The following TNS3 variants were observed in gnomAD, a reference collection of about 807,000 sequenced individuals.
TNS3 encodes the protein tensin-3.
TNS3 carries 45 observed loss-of-function variants against 140.9 expected under a neutral mutation model. The ratio of observed to expected loss-of-function variants is 0.32; its 90% CI spans 0.25 to 0.41. The LOEUF (loss-of-function observed/expected upper bound fraction) is 0.41, where lower values mean the gene tolerates loss of function less well. Among genes scored for constraint, TNS3 ranks in the 10% least tolerant of loss-of-function variants. TNS3 has a pLI of 1.00. For synonymous variants in TNS3, 815 were observed against 788.4 expected (o/e 1.03, Z -0.56); for missense variants, 1,716 against 1,906.7 (o/e 0.90, Z 1.86).
intron 17 of TNS3, among the ~76,000 whole-genome samples, chr7:47,365,838 T>A (rs1236705555): frequency 6.6e-6 from 1 of 152,196 alleles, no homozygotes; most frequent in Non-Finnish European, 1.5e-5. Flanking sequence ...GATAATATGA[T>A]GTGGCTTTCG....
rs777003669 is a variant in TNS3, at chr7:47,297,107, A to T, written c.3651T>A (p.Pro1217=). The change falls in exon 24 of 31, where the codon CCT becomes CCA. Residue 1217 remains proline, a synonymous_variant. Coordinates refer to ENST00000311160, the MANE Select transcript of TNS3 (RefSeq NM_022748.12). ...GLAMKVATPP[P]SVLQLNKKAG... The stretch of plus-strand genomic sequence containing the variant: ...CTTTCTTGTTCAGCTGCAGGACTGA[A>T]GGTGGGGGCGTGGCCACCTTCATGG... 6.2e-7 allele frequency: 1 copy of T among 1,614,152 alleles called. No individual in the cohort carries two copies. Among genetic ancestry groups the T allele is most frequent in the African/African-American group, 1.3e-5 (1 of 75,052 alleles).
intron 1 of TNS3, among the ~76,000 whole-genome samples, chr7:47,547,964 G>A (rs527489020): frequency 2.9e-4 from 44 of 152,320 alleles, no homozygotes; most frequent in Admixed American, 1.3e-3. Context: ...GCAGTGGCGC[G>A]ATCTCAGTTC....
rs1784829588 is a variant in TNS3, at chr7:47,275,384, G to A, written c.*2692C>T. The A allele has an allele frequency of 6.4e-6, 1 of 155,144 alleles. No individual in the cohort carries two copies. The highest frequency in any genetic ancestry group is 2.4e-5 in the African/African-American group (1 of 41,492). The allele number at this position is 155,144 out of a possible 1,614,324, so 9.6% of individuals were successfully genotyped here. A position where few individuals can be genotyped will look rare whatever the true frequency, so the allele number is the denominator to read the frequency against. ...ACATGGCTATAGCTTAACACTGGAG[G>A]AATACAACAATACGTTCTTTTACTG... On this transcript the variant is annotated 3_prime_UTR_variant, in exon 31 of 31. Coordinates refer to ENST00000311160, the MANE Select transcript of TNS3 (RefSeq NM_022748.12).
chr7:47,409,948 C>A (rs977494935), intron 13 of TNS3, among the ~76,000 whole-genome samples: 1 of 152,332 alleles, frequency 6.6e-6, no homozygotes, highest in Middle Eastern at 3.4e-3. Context: ...TGAGCCACTG[C>A]GCCCAGCCCG....
intron 2 of TNS3, among the ~76,000 whole-genome samples, chr7:47,511,518 T>C (rs996098897): frequency 6.6e-6 from 1 of 151,730 alleles, no homozygotes; most frequent in African/African-American, 2.4e-5. Context: ...CCATTTCTAA[T>C]AGGGTAAATC....
At chr7:47,313,894 C>G (rs1386914991) in intron 20 of TNS3, among the ~76,000 whole-genome samples, 1 of 152,254 alleles carries the variant, frequency 6.6e-6, no homozygotes, top group Non-Finnish European at 1.5e-5. Flanking sequence ...CTGGGGCACT[C>G]TGGCTGTGTA....
At chr7:47,356,993 T>C (rs2471004) in intron 17 of TNS3, among the ~76,000 whole-genome samples, 92,966 of 151,258 alleles carry the variant, frequency 0.61, 29,851 homozygotes, top group Non-Finnish European at 0.71. Flanking sequence ...GAGGCTGAGG[T>C]GAGAGGATCA....
At chr7:47,422,207 C>G (rs905090353) in intron 10 of TNS3, among the ~76,000 whole-genome samples, 15 of 152,256 alleles carry the variant, frequency 9.9e-5, no homozygotes, top group Admixed American at 3.3e-4. Context: ...ATCTCAGGAG[C>G]AGAGGGATTA....
chr7:47,439,750 C>T (rs1795370099), intron 5 of TNS3, 92 bp from the exon 6 acceptor site: 1 of 1,365,252 alleles, frequency 7.3e-7, no homozygotes, highest in East Asian at 2.5e-5. Context: ...GGACACTCAT[C>T]CCCTGGGTGT....
intron 20 of TNS3, among the ~76,000 whole-genome samples, chr7:47,308,815 G>C (rs1786907855): frequency 6.6e-6 from 1 of 152,108 alleles, no homozygotes; most frequent in African/African-American, 2.4e-5. Context: ...TTAGCACTGG[G>C]TTAGCCTCTC....
At chr7:47,425,242 G>A (rs917946808) in intron 9 of TNS3, among the ~76,000 whole-genome samples, 3 of 152,186 alleles carry the variant, frequency 2.0e-5, no homozygotes, top group South Asian at 2.1e-4. Context: ...ACTTGAACCC[G>A]GGAGGCAGAG....
chr7:47,367,989 C>T (rs1025389658), intron 17 of TNS3, among the ~76,000 whole-genome samples: 1 of 151,994 alleles, frequency 6.6e-6, no homozygotes, highest in Admixed American at 6.5e-5. Flanking sequence ...ACCGCAGGGA[C>T]AGAAGTAAGT....
intron 1 of TNS3, among the ~76,000 whole-genome samples, chr7:47,536,508 G>A (rs1367018026): frequency 6.6e-6 from 1 of 152,370 alleles, no homozygotes. Flanking sequence ...CCACTTCATT[G>A]CAGAGCTAAA....
At position 47,489,403 on chromosome 7, in the gene TNS3, C is replaced by T. The variant is rs532525388; in HGVS notation, c.-114-8262G>A. On this transcript the variant is annotated intron_variant, in intron 3 of 30. Coordinates refer to ENST00000311160, the MANE Select transcript of TNS3 (RefSeq NM_022748.12). The stretch of plus-strand genomic sequence containing the variant: ...CTCACCTCTAGGGGCCTCAGTTTCC[C>T]CTTTCAATCCAACTCTATGGAATCT... Among the ~76,000 whole-genome samples, 14 of 152,320 alleles carry T rather than the reference C, an allele frequency of 9.2e-5. No individual in the cohort carries two copies. The South Asian group carries it at 2.5e-3, about 27-fold the overall frequency.
chr7:47,433,226 C>T (rs1025720689), intron 8 of TNS3, among the ~76,000 whole-genome samples: 8 of 152,334 alleles, frequency 5.3e-5, no homozygotes, highest in African/African-American at 1.9e-4. Context: ...GCAAAGCAGG[C>T]GGATTTCGCC....
Position 47,389,134 on chromosome 7 carries a change from A to T in TNS3, c.1024+7666T>A, listed in dbSNP as rs1176288143. ...CAGAAGAAGAAGAAGAAGAAGAAGA[A>T]GAAGAAGAAGAAGAAGAAGAAGCAG... On this transcript the variant is annotated intron_variant, in intron 16 of 30. Transcript: ENST00000311160. Among the ~76,000 whole-genome samples, 7 of 54,708 alleles carry T rather than the reference A, an allele frequency of 1.3e-4. 2 individuals carry two copies. Among genetic ancestry groups the T allele is most frequent in the Non-Finnish European group, 3.1e-4 (7 of 22,592 alleles). The allele number at this position is 54,708 out of a possible 152,430, so 35.9% of individuals were successfully genotyped here.
intron 20 of TNS3, among the ~76,000 whole-genome samples, chr7:47,333,822 T>C (rs1362531661): frequency 6.6e-6 from 1 of 152,230 alleles, no homozygotes; most frequent in Non-Finnish European, 1.5e-5. Context: ...AGAAAGTGCA[T>C]TCTGAATTAA....
chr7:47,492,867 G>A lies in TNS3; in HGVS notation c.-114-11726C>T, dbSNP rs115740708. Among the ~76,000 whole-genome samples the A allele has an allele frequency of 8.8e-3, 1,340 of 152,316 alleles. 21 individuals are homozygous for A. The highest frequency in any genetic ancestry group is 0.031 in the African/African-American group (1,283 of 41,560). On this transcript the variant is annotated intron_variant, in intron 3 of 30. Coordinates refer to ENST00000311160, the MANE Select transcript of TNS3 (RefSeq NM_022748.12). ...GGGGTTCCGGACATGGAGCTCTGGA[G>A]CAGGAGGAGCTCCCACTGCCTGTGA...
At chr7:47,522,323 G>A (rs1002206930) in intron 2 of TNS3, among the ~76,000 whole-genome samples, 4 of 152,132 alleles carry the variant, frequency 2.6e-5, no homozygotes, top group African/African-American at 4.8e-5. Context: ...CCTCTGAGCC[G>A]CAAGCCTCTG....
Sources: allele counts gnomAD v4.1 joint callset (sites outside exome capture counted in the v4.1 genomes callset), GRCh38; gene constraint gnomAD v4.1.1; transcripts MANE v1.5; gene names NCBI Gene and HGNC (gene_info 2026-07-23, HGNC 2026-07-21).